UPRT: variants seen among roughly 807,000 people sequenced by gnomAD.
UPRT encodes uracil phosphoribosyltransferase homolog.
A neutral mutation model predicts 22.6 loss-of-function variants in UPRT; 5 were observed. That is an observed-to-expected ratio of 0.22 (90% CI 0.12 to 0.47). UPRT has a LOEUF of 0.47. Ranked by LOEUF, UPRT falls within the 20% of genes least tolerant of loss-of-function variation. The probability of loss-of-function intolerance (pLI) is 0.99; values close to 1 mark genes in which losing one functional copy is unlikely to be tolerated. For synonymous variants in UPRT, 77 were observed against 87.7 expected (o/e 0.88, Z 0.68); for missense variants, 181 against 239.9 (o/e 0.75, Z 1.62).
chrX:75,300,876 A>C lies in UPRT; in HGVS notation c.734A>C (p.Asn245Thr). Residue 245 changes from asparagine (N) to threonine (T), a missense_variant, in exon 6 of 7, where the codon AAT becomes ACT. Transcript: ENST00000373383. ...LLMYPILSTG[N>T]TVIEAVKVLI... ...TATCTTTTGATTTCAGGCACTGGAA[A>C]TACTGTAATTGAAGCTGTAAAGGTT... is the stretch of plus-strand genomic sequence containing the variant. 1 of 1,202,051 alleles carries C rather than the reference A, an allele frequency of 8.3e-7. No individual in the cohort carries two copies. Among genetic ancestry groups the C allele is most frequent in the Non-Finnish European group, 1.1e-6 (1 of 890,060 alleles).
intron 4 of UPRT, among the ~76,000 whole-genome samples, chrX:75,217,939 A>G (rs1347724793): frequency 1.8e-5 from 2 of 111,931 alleles, no homozygotes; most frequent in Non-Finnish European, 3.8e-5. Context: ...AAACCCTAGA[A>G]GAAAACCTAG....
chrX:75,268,919 C>T (rs1292836535), intron 4 of UPRT, among the ~76,000 whole-genome samples: 1 of 111,549 alleles, frequency 9.0e-6, no homozygotes, highest in Non-Finnish European at 1.9e-5. Flanking sequence ...GGCAATCAGG[C>T]AAGAGAAAGA....
chrX:75,231,985 C>G (rs977856319), intron 4 of UPRT, among the ~76,000 whole-genome samples: 2 of 111,877 alleles, frequency 1.8e-5, no homozygotes, highest in Non-Finnish European at 3.8e-5. Flanking sequence ...CCAGCATGAG[C>G]GACGCAGAAG....
chrX:75,253,247 G>T (rs1181841861), intron 4 of UPRT, among the ~76,000 whole-genome samples: 1 of 111,812 alleles, frequency 8.9e-6, no homozygotes, highest in Non-Finnish European at 1.9e-5. Flanking sequence ...GAAGTGGGCA[G>T]AGGACATGAA....
chrX:75,239,418 A>G (rs934700232), intron 4 of UPRT, among the ~76,000 whole-genome samples: 4 of 111,276 alleles, frequency 3.6e-5, no homozygotes, highest in South Asian at 3.7e-4. Context: ...TAACTTTTGA[A>G]TATACCAATA....
At chrX:75,218,246 T>C (rs1174849213) in intron 4 of UPRT, among the ~76,000 whole-genome samples, 4 of 111,007 alleles carry the variant, frequency 3.6e-5, no homozygotes, top group Non-Finnish European at 7.6e-5. Context: ...CAGACACTTC[T>C]CAAAAGAAGA....
At chrX:75,159,123 T>C (rs968474532) in intron 1 of UPRT, among the ~76,000 whole-genome samples, 3 of 112,113 alleles carry the variant, frequency 2.7e-5, no homozygotes, top group African/African-American at 9.7e-5. Context: ...CCCTCCCTTC[T>C]GCTCTTCTTA....
At position 75,303,450 on chromosome X, in the gene UPRT, C is replaced by G; in HGVS notation, c.869C>G (p.Thr290Ser). The G allele has an allele frequency of 2.5e-6, 3 of 1,208,266 alleles. No homozygotes were observed. The highest frequency in any genetic ancestry group is 3.4e-6 in the Non-Finnish European group (3 of 894,372). Residue 290 changes from threonine (T) to serine (S), a missense_variant, in exon 7 of 7, where the codon ACT becomes AGT. By Grantham distance (58) the Thr-to-Ser change is moderately conservative. Transcript: ENST00000373383. ...IQEFPEITIL[T>S]TEVHPVAPTH... ...GAGTTTCCAGAGATCACAATTTTAA[C>G]TACTGAAGTTCATCCTGTTGCACCT...
At chrX:75,232,222 C>T (rs1449463078) in intron 4 of UPRT, among the ~76,000 whole-genome samples, 1 of 112,494 alleles carries the variant, frequency 8.9e-6, no homozygotes, top group Non-Finnish European at 1.9e-5. Flanking sequence ...GAATACTGCG[C>T]TTTTCCGATG....
intron 4 of UPRT, among the ~76,000 whole-genome samples, chrX:75,236,658 A>G (rs930916688): frequency 1.8e-5 from 2 of 112,356 alleles, no homozygotes; most frequent in Non-Finnish European, 3.8e-5. Flanking sequence ...ATCTACAACT[A>G]TCTGATCTTT....
intron 4 of UPRT, among the ~76,000 whole-genome samples, chrX:75,168,692 G>T (rs765471890): frequency 9.0e-6 from 1 of 110,676 alleles, no homozygotes; most frequent in Non-Finnish European, 1.9e-5. Context: ...ACCATGCCTG[G>T]CCAGTTTTGT....
chrX:75,232,133 C>G (rs2082440562), intron 4 of UPRT, among the ~76,000 whole-genome samples: 1 of 112,289 alleles, frequency 8.9e-6, no homozygotes, highest in South Asian at 3.7e-4. Context: ...TTGGGAAGGG[C>G]AAGGGGTCAG....
intron 4 of UPRT, among the ~76,000 whole-genome samples, chrX:75,241,345 C>T (rs2082487875): frequency 9.0e-6 from 1 of 111,670 alleles, no homozygotes; most frequent in Non-Finnish European, 1.9e-5. Flanking sequence ...CACTAATGAT[C>T]AGGGAAATGC....
intron 4 of UPRT, among the ~76,000 whole-genome samples, chrX:75,203,496 ACACACACACACACACACACT>A (rs1316193178): frequency 0.011 from 1,122 of 105,910 alleles, 18 homozygotes; most frequent in African/African-American, 0.039. Context: ...ACACACACAC[ACACACACACACACACACACT>A]CACACACACA....
intron 2 of UPRT, among the ~76,000 whole-genome samples, chrX:75,162,282 T>A (rs189242601): frequency 9.0e-6 from 1 of 110,674 alleles, no homozygotes; most frequent in Non-Finnish European, 1.9e-5. Context: ...CTCTTGAAGA[T>A]CTAACTTGCT....
At chrX:75,187,237 G>A (rs1224556170) in intron 4 of UPRT, among the ~76,000 whole-genome samples, 2 of 111,069 alleles carry the variant, frequency 1.8e-5, no homozygotes, top group African/African-American at 6.6e-5. Context: ...AAATCTCTCA[G>A]CATTTGCTTG....
intron 4 of UPRT, among the ~76,000 whole-genome samples, chrX:75,237,122 T>C (rs1401882605): frequency 9.0e-6 from 1 of 111,690 alleles, no homozygotes; most frequent in Non-Finnish European, 1.9e-5. Context: ...AACAAACCCA[T>C]CAAACAGTGA....
intron 4 of UPRT, among the ~76,000 whole-genome samples, chrX:75,189,809 GC>G (rs2082308494): frequency 9.0e-6 from 1 of 111,432 alleles, no homozygotes; most frequent in South Asian, 3.8e-4. Context: ...TGCGACCCTT[GC>G]CTTTTTTATT....
At chrX:75,287,925 T>C (rs945683658) in intron 1 of UPRT, among the ~76,000 whole-genome samples, 4 of 110,859 alleles carry the variant, frequency 3.6e-5, no homozygotes, top group African/African-American at 9.8e-5. Flanking sequence ...GATAGACCAT[T>C]AGCTAGATTA....
Sources: allele counts gnomAD v4.1 joint callset (sites outside exome capture counted in the v4.1 genomes callset), GRCh38; gene constraint gnomAD v4.1.1; transcripts MANE v1.5; gene names NCBI Gene and HGNC (gene_info 2026-07-23, HGNC 2026-07-21).